The following COL24A1 variants were observed in gnomAD, a reference collection of about 807,000 sequenced individuals.
COL24A1 encodes the protein collagen alpha-1(XXIV) chain.
A neutral mutation model predicts 253.9 loss-of-function variants in COL24A1; 224 were observed. The ratio of observed to expected loss-of-function variants is 0.88; its 90% confidence interval spans 0.79 to 0.99. The LOEUF (loss-of-function observed/expected upper bound fraction) is 0.99, where lower values mean the gene tolerates loss of function less well. Ranked by LOEUF, COL24A1 falls within the 50% of genes least tolerant of loss-of-function variation. The pLI is 0.00. For synonymous variants in COL24A1, 685 were observed against 673.7 expected, an observed-to-expected ratio of 1.02 and a Z score of -0.26; for missense variants, 2,131 against 2,068.5, an observed-to-expected ratio of 1.03 and a Z score of -0.59.
intron 51 of COL24A1, among the ~76,000 whole-genome samples, chr1:85,781,570 T>G (rs1056637003): frequency 6.6e-6 from 1 of 152,170 alleles, no homozygotes; most frequent in Non-Finnish European, 1.5e-5. Flanking sequence ...TTTACATGTA[T>G]GTTATATAAC....
intron 37 of COL24A1, among the ~76,000 whole-genome samples, chr1:85,863,265 G>T (rs1679373828): frequency 6.6e-6 from 1 of 152,122 alleles, no homozygotes; most frequent in South Asian, 2.1e-4. Flanking sequence ...TCCACAAACA[G>T]GGACAATTTG....
Position 85,880,377 on chromosome 1 carries a change from C to T in COL24A1, c.2977-3202G>A, listed in dbSNP as rs575856647. Among the ~76,000 whole-genome samples, 217 of 152,286 alleles carry T rather than the reference C, an allele frequency of 1.4e-3. 1 individual carries two copies. The highest frequency in any genetic ancestry group is 4.9e-3 in the African/African-American group (205 of 41,578). ...TATTAACTTATACCCTGTTATGCTA[C>T]AATCTCATTATAACTGCTTATTAGT... On this transcript the variant is annotated intron_variant, in intron 32 of 59. Coordinates refer to ENST00000370571, the MANE Select transcript of COL24A1 (RefSeq NM_152890.7).
At chr1:85,923,961 G>C (rs1686865339) in intron 24 of COL24A1, among the ~76,000 whole-genome samples, 1 of 152,012 alleles carries the variant, frequency 6.6e-6, no homozygotes, top group African/African-American at 2.4e-5. Context: ...GAATCAAACA[G>C]ACGCAATAAA....
chr1:85,809,072 A>T (rs1195125839), intron 47 of COL24A1, among the ~76,000 whole-genome samples: 1 of 152,194 alleles, frequency 6.6e-6, no homozygotes, highest in Non-Finnish European at 1.5e-5. Flanking sequence ...CAAAAAACCC[A>T]ATCTTATGTT....
intron 45 of COL24A1, among the ~76,000 whole-genome samples, chr1:85,821,412 C>T (rs1015844770): frequency 1.3e-5 from 2 of 152,132 alleles, no homozygotes; most frequent in Admixed American, 1.3e-4. Flanking sequence ...TTAGGTAACT[C>T]ATAATCTCTC....
chr1:85,955,778 C>G (rs1203216053), intron 24 of COL24A1, among the ~76,000 whole-genome samples: 1 of 152,226 alleles, frequency 6.6e-6, no homozygotes, highest in Non-Finnish European at 1.5e-5. Context: ...CAAAACCAAT[C>G]ACTGTATCAA....
intron 32 of COL24A1, among the ~76,000 whole-genome samples, chr1:85,885,564 G>A (rs1347540896): frequency 6.6e-6 from 1 of 151,884 alleles, no homozygotes; most frequent in Non-Finnish European, 1.5e-5. Context: ...CAAAGAGAAA[G>A]AGGCTCTCTA....
At chr1:85,799,984 T>C (rs146111156) in intron 47 of COL24A1, among the ~76,000 whole-genome samples, 184 of 152,308 alleles carry the variant, frequency 1.2e-3, no homozygotes, top group African/African-American at 4.2e-3. Flanking sequence ...TCTTTCAAAG[T>C]GCAATGAGCT....
intron 53 of COL24A1, among the ~76,000 whole-genome samples, chr1:85,764,455 TAC>T (rs71075861): frequency 0.056 from 7,659 of 137,092 alleles, 217 homozygotes; most frequent in Admixed American, 0.098. Context: ...AGGTGGAGGA[TAC>T]ACACACACAC....
intron 24 of COL24A1, among the ~76,000 whole-genome samples, chr1:85,926,922 G>T (rs1227430127): frequency 6.6e-6 from 1 of 152,146 alleles, no homozygotes; most frequent in African/African-American, 2.4e-5. Context: ...AAATCTGTGT[G>T]ATGTGGGAAG....
At chr1:85,911,829 C>A (rs1048663366) in intron 24 of COL24A1, among the ~76,000 whole-genome samples, 2 of 151,992 alleles carry the variant, frequency 1.3e-5, no homozygotes, top group African/African-American at 2.4e-5. Flanking sequence ...AATACACAAG[C>A]GGACAGAACA....
intron 43 of COL24A1, among the ~76,000 whole-genome samples, chr1:85,824,021 T>A (rs1010646407): frequency 3.3e-5 from 5 of 152,048 alleles, no homozygotes; most frequent in African/African-American, 1.2e-4. Flanking sequence ...TATGTCCCAA[T>A]CCCCAGAATC....
intron 19 of COL24A1, among the ~76,000 whole-genome samples, chr1:86,014,615 C>CCTG (rs1553258830): frequency 1.5e-5 from 1 of 68,316 alleles, no homozygotes; most frequent in Non-Finnish European, 2.5e-5. Flanking sequence ...TCCTCCTCCT[C>CCTG]CTTTTCCTAT....
chr1:85,962,108 A>G lies in COL24A1; in HGVS notation c.2518-815T>C, dbSNP rs112171229. Among the ~76,000 whole-genome samples, 355 of 152,292 alleles carry G rather than the reference A, an allele frequency of 2.3e-3. 5 individuals carry two copies. Among genetic ancestry groups the G allele is most frequent in the African/African-American group, 8.2e-3 (339 of 41,556 alleles). On this transcript the variant is annotated intron_variant, in intron 23 of 59. Coordinates refer to ENST00000370571, the MANE Select transcript of COL24A1 (RefSeq NM_152890.7). ...AAGCACTGTGAAAGATATTAAGAAG[A>G]ATAAAATTAAAGTCTTTCCCACAGG...
At chr1:85,919,555 G>A (rs532129916) in intron 24 of COL24A1, among the ~76,000 whole-genome samples, 57 of 152,294 alleles carry the variant, frequency 3.7e-4, no homozygotes, top group African/African-American at 1.2e-3. Context: ...TTGGTGGCCC[G>A]TGTCTGTAGT....
intron 3 of COL24A1, among the ~76,000 whole-genome samples, chr1:86,116,298 C>G (rs1385670421): frequency 1.3e-5 from 2 of 152,138 alleles, no homozygotes; most frequent in African/African-American, 4.8e-5. Context: ...TCAAATTAGA[C>G]ACATCAGGGT....
At chr1:86,058,098 A>G in intron 9 of COL24A1, 123 bp from the exon 10 acceptor site, 1 of 638,112 alleles carries the variant, frequency 1.6e-6, no homozygotes, top group Non-Finnish European at 2.5e-6. Context: ...AGAACTCTGT[A>G]TAACTAATGA....
intron 28 of COL24A1, among the ~76,000 whole-genome samples, chr1:85,901,499 T>C (rs1684286381): frequency 6.6e-6 from 1 of 151,984 alleles, no homozygotes; most frequent in South Asian, 2.1e-4. Context: ...GAAAAGAGTA[T>C]GGAGATTTCT....
intron 24 of COL24A1, among the ~76,000 whole-genome samples, chr1:85,914,782 G>A (rs1253487776): frequency 6.6e-6 from 1 of 152,108 alleles, no homozygotes; most frequent in African/African-American, 2.4e-5. Context: ...TAAGTTACAG[G>A]TTATAAAGGA....
Sources: allele counts gnomAD v4.1 joint callset (sites outside exome capture counted in the v4.1 genomes callset), GRCh38; gene constraint gnomAD v4.1.1; transcripts MANE v1.5; gene names NCBI Gene and HGNC (gene_info 2026-07-23, HGNC 2026-07-21).